The following VWA8 variants were observed in gnomAD, a reference collection of about 807,000 sequenced individuals.
The protein encoded by VWA8 is von Willebrand factor A domain-containing protein 8.
A neutral mutation model predicts 241.5 loss-of-function variants in VWA8; 221 were observed. The ratio of observed to expected loss-of-function variants is 0.91; its 90% CI spans 0.82 to 1.02. The LOEUF is 1.02. Among genes scored for constraint, VWA8 ranks in the 50% least tolerant of loss-of-function variants. The pLI, the probability that VWA8 is intolerant of heterozygous loss-of-function variation, is 0.00. For missense variants in VWA8, 2,322 were observed against 2,328.7 expected, an observed-to-expected ratio of 1.00 and a Z score of 0.06; for synonymous variants, 852 against 827.1, an observed-to-expected ratio of 1.03 and a Z score of -0.52.
intron 3 of VWA8, among the ~76,000 whole-genome samples, chr13:41,911,255 G>A (rs1441255375): frequency 6.6e-6 from 1 of 151,914 alleles, no homozygotes; most frequent in Non-Finnish European, 1.5e-5. Flanking sequence ...GTAGAGCCGA[G>A]GTTTCACCAT....
chr13:41,920,367 T>C (rs912537843), intron 2 of VWA8, among the ~76,000 whole-genome samples: 4 of 151,982 alleles, frequency 2.6e-5, no homozygotes, highest in African/African-American at 9.7e-5. Flanking sequence ...GTGTAAGCTG[T>C]TAGAAAGTGC....
chr13:41,618,375 C>T (rs1006932963), intron 37 of VWA8, among the ~76,000 whole-genome samples: 10 of 152,132 alleles, frequency 6.6e-5, no homozygotes, highest in Non-Finnish European at 1.5e-4. Context: ...TGGATATTAG[C>T]CCTTTGTCAG....
At position 41,581,053 on chromosome 13, in the gene VWA8, G is replaced by T. The variant is rs577236340; in HGVS notation, c.5272-5215C>A. Among the ~76,000 whole-genome samples, 2 of 78,202 alleles carry T rather than the reference G, an allele frequency of 2.6e-5. 1 individual carries two copies. The highest frequency in any genetic ancestry group is 2.5e-4 in the African/African-American group (2 of 8,066). The allele number at this position is 78,202 out of a possible 152,430, so 51.3% of individuals were successfully genotyped here. On this transcript the variant is annotated intron_variant, in intron 42 of 44. Transcript: ENST00000379310. ...GTCTCGCTGTCGTCCAGGCTGGAGT[G>T]CAGTGGCGCAATCTCGGCTCACTGC...
rs1261756238 is a variant in VWA8, at chr13:41,703,319, T to A, written c.3209A>T (p.His1070Leu). The stretch of plus-strand genomic sequence containing the variant: ...GATATCAACCTTTATGTCTATATGA[T>A]GAGTTTCCACTGGACACAAGAGTTT... ...MQKLLCPVET[H>L]HIDIKGPALI... Residue 1070 changes from histidine (H) to leucine (L), a missense_variant, in exon 27 of 45, where the codon CAT becomes CTT. Coordinates refer to ENST00000379310, the MANE Select transcript of VWA8 (RefSeq NM_015058.2). 3.1e-6 allele frequency: 5 copies of A among 1,613,850 alleles called. No individual in the cohort carries two copies. The highest frequency in any genetic ancestry group is 2.5e-6 in the Non-Finnish European group (3 of 1,179,752).
rs368145603 is a variant in VWA8, at chr13:41,573,921, C to T, written c.5370+1819G>A. Reference sequence around the variant, plus strand: ...GCAGGCGTGCGCCACCGTGCCTGGCCGTAAAAAATAATTTAATTGTACATT... The same window carrying T: ...GCAGGCGTGCGCCACCGTGCCTGGCTGTAAAAAATAATTTAATTGTACATT... On this transcript the variant is annotated intron_variant, in intron 43 of 44. Coordinates refer to ENST00000379310, the MANE Select transcript of VWA8 (RefSeq NM_015058.2). 7.9e-5 allele frequency among the ~76,000 whole-genome samples: 12 copies of T among 152,014 alleles called. No homozygotes were observed. In the South Asian group the frequency reaches 1.2e-3, roughly 16 times the overall value.
At chr13:41,770,132 T>C (rs774497536) in intron 20 of VWA8, among the ~76,000 whole-genome samples, 29 of 152,050 alleles carry the variant, frequency 1.9e-4, no homozygotes, top group South Asian at 4.2e-4. Flanking sequence ...GAAGGGGATA[T>C]TGCACTCAGG....
At chr13:41,868,823 G>A (rs1873441074) in intron 9 of VWA8, among the ~76,000 whole-genome samples, 1 of 142,904 alleles carries the variant, frequency 7.0e-6, no homozygotes, top group South Asian at 2.2e-4. Context: ...GGGAGGTGGA[G>A]CTTGCAGTGA....
At chr13:41,950,667 CT>C (rs373790890) in intron 1 of VWA8, among the ~76,000 whole-genome samples, 225 of 119,502 alleles carry the variant, frequency 1.9e-3, no homozygotes, top group Admixed American at 2.7e-3. Flanking sequence ...CACACTCAGC[CT>C]TTTTTTTTTT....
At chr13:41,761,024 TG>T in intron 21 of VWA8, 103 bp downstream of exon 21, 1 of 1,118,786 alleles carries the variant, frequency 8.9e-7, no homozygotes, top group Non-Finnish European at 1.3e-6. Context: ...GAAATAAAAC[TG>T]GTTTATAAAA....
At chr13:41,699,394 T>C in intron 28 of VWA8, 124 bp from the exon 29 acceptor site, 1 of 894,034 alleles carries the variant, frequency 1.1e-6, no homozygotes, top group East Asian at 2.6e-5. Context: ...GCAGATGATT[T>C]GTATCATGGC....
At chr13:41,800,878 A>C (rs1869927255) in intron 17 of VWA8, among the ~76,000 whole-genome samples, 1 of 152,244 alleles carries the variant, frequency 6.6e-6, no homozygotes, top group Middle Eastern at 3.4e-3. Context: ...AAAATCACAC[A>C]AAAATTATTT....
At chr13:41,871,641 T>C (rs1325648492) in intron 9 of VWA8, among the ~76,000 whole-genome samples, 1 of 152,094 alleles carries the variant, frequency 6.6e-6, no homozygotes, top group Non-Finnish European at 1.5e-5. Context: ...GAACTCATCA[T>C]TTTTTATGGC....
intron 35 of VWA8, among the ~76,000 whole-genome samples, chr13:41,682,817 A>C (rs2045109895): frequency 6.6e-6 from 1 of 152,198 alleles, no homozygotes; most frequent in South Asian, 2.1e-4. Flanking sequence ...AAAAATGGGC[A>C]AAAGATCTGA....
At chr13:41,587,893 A>G (rs1363071866) in intron 41 of VWA8, among the ~76,000 whole-genome samples, 3 of 152,342 alleles carry the variant, frequency 2.0e-5, no homozygotes, top group East Asian at 3.9e-4. Context: ...GGCCACATGG[A>G]AAATATTTTC....
intron 26 of VWA8, among the ~76,000 whole-genome samples, chr13:41,713,779 T>C (rs942931150): frequency 1.3e-5 from 2 of 152,166 alleles, no homozygotes; most frequent in African/African-American, 4.8e-5. Flanking sequence ...ATCTTGTTCA[T>C]TATGTTTAGA....
At chr13:41,576,560 G>A (rs2044351680) in intron 42 of VWA8, among the ~76,000 whole-genome samples, 1 of 152,180 alleles carries the variant, frequency 6.6e-6, no homozygotes, top group Non-Finnish European at 1.5e-5. Context: ...GGGTTTCCTA[G>A]GGAAGATGAG....
At chr13:41,929,990 G>C (rs1877028912) in intron 2 of VWA8, among the ~76,000 whole-genome samples, 1 of 152,154 alleles carries the variant, frequency 6.6e-6, no homozygotes, top group Non-Finnish European at 1.5e-5. Flanking sequence ...CATATATCTG[G>C]TGAGGGGCTA....
chr13:41,691,986 G>C, intron 30 of VWA8, 48 bp from the exon 31 acceptor site: 2 of 1,273,842 alleles, frequency 1.6e-6, no homozygotes, highest in Non-Finnish European at 2.3e-6. Flanking sequence ...GTCAGATACA[G>C]TCATGTCCCT....
chr13:41,813,325 T>C (rs1212311943), intron 16 of VWA8, among the ~76,000 whole-genome samples: 2 of 152,146 alleles, frequency 1.3e-5, no homozygotes, highest in South Asian at 2.1e-4. Context: ...AGTAAGGTTA[T>C]GGCAACAAGA....
Sources: allele counts gnomAD v4.1 joint callset (sites outside exome capture counted in the v4.1 genomes callset), GRCh38; gene constraint gnomAD v4.1.1; transcripts MANE v1.5; gene names NCBI Gene and HGNC (gene_info 2026-07-23, HGNC 2026-07-21).